The following TRIM6 variants were observed in gnomAD, a reference collection of about 807,000 sequenced individuals.
TRIM6 encodes tripartite motif-containing protein 6.
TRIM6 carries 43 observed loss-of-function variants against 51.2 expected under a neutral mutation model. The observed-to-expected ratio is 0.84, with a 90% confidence interval of 0.66 to 1.08. TRIM6 has a LOEUF of 1.08. Among genes scored for constraint, TRIM6 ranks in the 50% least tolerant of loss-of-function variants. The pLI, the probability that TRIM6 is intolerant of heterozygous loss-of-function variation, is 0.00. For missense variants in TRIM6, 669 were observed against 619.0 expected, an observed-to-expected ratio of 1.08 and a Z score of -0.86; for synonymous variants, 215 against 232.4, an observed-to-expected ratio of 0.93 and a Z score of 0.68.
rs746770928 is a variant in TRIM6, at chr11:5,610,209, G to C, written c.922G>C (p.Ala308Pro). Reference sequence around the variant, plus strand: ...TACAAAGCTGAGAAGTATGTTCCGAGCCCCAGATCTGAAAAGGATGCTGCG... The same window carrying C: ...TACAAAGCTGAGAAGTATGTTCCGACCCCCAGATCTGAAAAGGATGCTGCG... ...LPTKLRSMFR[A>P]PDLKRMLRVC... Residue 308 changes from alanine (A) to proline (P), a missense_variant, in exon 6 of 8, where the codon GCC (alanine) becomes CCC (proline). Ala to Pro is a conservative substitution (Grantham distance 27, BLOSUM62 -1). Coordinates refer to ENST00000380097, the MANE Select transcript of TRIM6 (RefSeq NM_001003818.3). The C allele has an allele frequency of 3.1e-6, 5 of 1,613,992 alleles. No individual in the cohort carries two copies. The highest frequency in any genetic ancestry group is 4.2e-6 in the Non-Finnish European group (5 of 1,180,020).
rs1848098950 is a variant in TRIM6, at chr11:5,604,693, G to A, written c.603+64G>A. 17 of 1,540,080 alleles carry A rather than the reference G, an allele frequency of 1.1e-5. 1 individual carries two copies. In the South Asian group the frequency reaches 1.9e-4, roughly 17 times the overall value. On this transcript the variant is annotated intron_variant, in intron 3 of 7. Coordinates refer to ENST00000380097, the MANE Select transcript of TRIM6 (RefSeq NM_001003818.3). ...ATCATGGCAGGTCATAGGAGCTGAG[G>A]GCAAAGGAGTCCTTGTCCTGTCTGT...
chr11:5,600,552 T>C (rs769568762), intron 1 of TRIM6, among the ~76,000 whole-genome samples: 40 of 152,300 alleles, frequency 2.6e-4, no homozygotes, highest in Non-Finnish European at 1.9e-4. Context: ...TACCCTTATC[T>C]GAGACACTTT....
chr11:5,605,294 G>C (rs907125582), intron 3 of TRIM6, 43 bp from the exon 4 acceptor site: 10 of 1,612,330 alleles, frequency 6.2e-6, no homozygotes, highest in Non-Finnish European at 8.5e-6. Context: ...GAGACCCTCA[G>C]TGTGACCGAC....
chr11:5,604,405 C>G, intron 2 of TRIM6, 129 bp from the exon 3 acceptor site: 1 of 1,003,166 alleles, frequency 1.0e-6, no homozygotes. Context: ...TTGGCCCTCT[C>G]AAGTTTTCAT....
intron 1 of TRIM6, among the ~76,000 whole-genome samples, chr11:5,601,612 G>A (rs368524261): frequency 6.6e-6 from 1 of 152,124 alleles, no homozygotes; most frequent in Non-Finnish European, 1.5e-5. Flanking sequence ...ACAAAAATTA[G>A]CTGGGCATGG....
At position 5,610,811 on chromosome 11, in the gene TRIM6, A is replaced by C. The variant is rs1271796963; in HGVS notation, c.1020A>C (p.Leu340Phe). Residue 340 changes from leucine (L) to phenylalanine (F), a missense_variant, in exon 8 of 8, where the codon TTA (leucine) becomes TTC (phenylalanine). Coordinates refer to ENST00000380097, the MANE Select transcript of TRIM6 (RefSeq NM_001003818.3). The stretch of plus-strand genomic sequence containing the variant: ...CCCTGAATCCACACACAGCTAATTT[A>C]AATCTTGTCCTGGCTAAAAACCGGA... ...DVTLNPHTAN[L>F]NLVLAKNRRQ... 1 of 1,614,188 alleles carries C rather than the reference A, an allele frequency of 6.2e-7. No homozygotes were observed. Among genetic ancestry groups the C allele is most frequent in the Non-Finnish European group, 8.5e-7 (1 of 1,180,034 alleles).
At position 5,603,458 on chromosome 11, in the gene TRIM6, G is replaced by A. The variant is rs555279540; in HGVS notation, c.230G>A (p.Gly77Asp). The change falls in exon 2 of 8, where the codon GGT (glycine) becomes GAT (aspartate). Residue 77 changes from glycine to aspartate, a missense_variant. Transcript: ENST00000380097. The part of the protein sequence containing the change: ...ITPNGRESVI[G>D]QEGERSCPVC... ...CCAAATGGCAGGGAATCAGTGATTG[G>A]TCAAGAAGGGGAAAGAAGCTGCCCT... 1 of 1,614,114 alleles carries A rather than the reference G, an allele frequency of 6.2e-7. No homozygotes were observed.
In TRIM6 at chr11:5,605,392, A is replaced by G. The variant is rs776152562; in HGVS notation, c.659A>G (p.Asn220Ser). ...CAGACAGAGTTTAATCAGCTGCGAA[A>G]TATCCTAGACAGAGTGGAGCAACGG... ...RIQTEFNQLRNILDRVEQREL... is the reference protein window; with the variant it reads ...RIQTEFNQLRSILDRVEQREL... Residue 220 changes from asparagine (N) to serine (S), a missense_variant, in exon 4 of 8, where the codon AAT becomes AGT. Coordinates refer to ENST00000380097, the MANE Select transcript of TRIM6 (RefSeq NM_001003818.3). 2 of 1,614,190 alleles carry G rather than the reference A, an allele frequency of 1.2e-6. No individual in the cohort carries two copies. Among genetic ancestry groups the G allele is most frequent in the Admixed American group, 1.7e-5 (1 of 60,028 alleles).
Position 5,604,560 on chromosome 11 carries a change from G to A in TRIM6, c.534G>A (p.Lys178=). ...YQEKFQESLK[K]LKNEEQEAEK... is the part of the protein sequence containing the mutation. ...AGAAGTTTCAGGAGTCTCTAAAGAA[G>A]CTGAAGAACGAGGAGCAGGAAGCTG... Residue 178 remains lysine, a synonymous_variant, in exon 3 of 8, where the codon AAG becomes AAA. Coordinates refer to ENST00000380097, the MANE Select transcript of TRIM6 (RefSeq NM_001003818.3). 1 of 1,613,008 alleles carries A rather than the reference G, an allele frequency of 6.2e-7. No individual in the cohort carries two copies. The highest frequency in any genetic ancestry group is 1.3e-5 in the African/African-American group (1 of 74,970).
Position 5,607,860 on chromosome 11 carries a change from G to T in TRIM6, c.835-512G>T, listed in dbSNP as rs535867640. 1.4e-3 allele frequency among the ~76,000 whole-genome samples: 215 copies of T among 152,298 alleles called. 6 individuals are homozygous for T. The South Asian group carries it at 0.04, about 28-fold the overall frequency. On this transcript the variant is annotated intron_variant, in intron 4 of 7. Transcript: ENST00000380097. Reference sequence around the variant, plus strand: ...TTAATCAAAATCATAAGGAAAGGGGGCTGAGCAGAAGTACAGATTTGAGAA... The same window carrying T: ...TTAATCAAAATCATAAGGAAAGGGGTCTGAGCAGAAGTACAGATTTGAGAA...
intron 3 of TRIM6, 31 bp downstream of exon 3, chr11:5,604,660 G>A: frequency 6.2e-7 from 1 of 1,602,380 alleles, no homozygotes; most frequent in Non-Finnish European, 8.5e-7. Flanking sequence ...AGATGTCCTG[G>A]GGCAGGAATC....
intron 4 of TRIM6, 133 bp downstream of exon 4, chr11:5,605,700 C>T: frequency 9.0e-7 from 1 of 1,108,092 alleles, no homozygotes; most frequent in Non-Finnish European, 1.3e-6. Context: ...TAGTGCCTAT[C>T]CCCTATTAAA....
In TRIM6 at chr11:5,604,545, G is replaced by C. The variant is rs745922953; in HGVS notation, c.519G>C (p.Gln173His). The change falls in exon 3 of 8, where the codon CAG becomes CAC. Residue 173 changes from glutamine (Q) to histidine (H), a missense_variant. By Grantham distance (24) the Gln-to-His change is conservative. Coordinates refer to ENST00000380097, the MANE Select transcript of TRIM6 (RefSeq NM_001003818.3). ...EVAQEYQEKF[Q>H]ESLKKLKNEE... ...TTGTTTTCTTCAAGGAGAAGTTTCA[G>C]GAGTCTCTAAAGAAGCTGAAGAACG... The C allele has an allele frequency of 6.2e-7, 1 of 1,611,854 alleles. No individual in the cohort carries two copies. The highest frequency in any genetic ancestry group is 2.2e-5 in the East Asian group (1 of 44,778).
intron 4 of TRIM6, 125 bp downstream of exon 4, chr11:5,605,692 G>C: frequency 2.5e-6 from 3 of 1,182,180 alleles, no homozygotes; most frequent in Non-Finnish European, 3.5e-6. Flanking sequence ...TGGCGCTATA[G>C]TGCCTATCCC....
rs1332385570 is a variant in TRIM6, at chr11:5,604,590, G to T, written c.564G>T (p.Lys188Asn). 6.2e-7 allele frequency: 1 copy of T among 1,613,344 alleles called. No individual in the cohort carries two copies. The change falls in exon 3 of 8, where the codon AAG (lysine) becomes AAT (asparagine). Residue 188 changes from lysine (K) to asparagine (N), a missense_variant. Coordinates refer to ENST00000380097, the MANE Select transcript of TRIM6 (RefSeq NM_001003818.3). ...KLKNEEQEAE[K>N]LTAFIREKKT... is the part of the protein sequence containing the mutation. ...AGAACGAGGAGCAGGAAGCTGAGAA[G>T]CTAACAGCTTTTATCAGAGAGAAGA...
chr11:5,608,498 A>C, intron 5 of TRIM6, 104 bp downstream of exon 5: 1 of 1,552,052 alleles, frequency 6.4e-7, no homozygotes. Flanking sequence ...GGAAGATTCA[A>C]GAGAGTAGTC....
In TRIM6 at chr11:5,596,792, GCGCTCTGTTC is replaced by G; in HGVS notation, c.-104_-95del. On this transcript the variant is annotated 5_prime_UTR_variant, in exon 1 of 8. Coordinates refer to ENST00000380097, the MANE Select transcript of TRIM6 (RefSeq NM_001003818.3). ...GAGTTTAGATAAAAGCCGAGTGAGCGCGCTCTGTTCCTTAAGATTAGTTTAAGGTGCCTTG... is the reference window on the plus strand; with the variant it reads ...GAGTTTAGATAAAAGCCGAGTGAGCGCTTAAGATTAGTTTAAGGTGCCTTG... The G allele has an allele frequency of 6.3e-7, 1 of 1,575,208 alleles. No individual in the cohort carries two copies. The highest frequency in any genetic ancestry group is 8.7e-7 in the Non-Finnish European group (1 of 1,147,924).
chr11:5,604,569 C>G lies in TRIM6; in HGVS notation c.543C>G (p.Asn181Lys), dbSNP rs192827622. 5 of 1,612,718 alleles carry G rather than the reference C, an allele frequency of 3.1e-6. No individual in the cohort carries two copies. In the East Asian group the frequency reaches 8.9e-5, roughly 29 times the overall value. The change falls in exon 3 of 8, where the codon AAC becomes AAG. Residue 181 changes from asparagine to lysine, a missense_variant. Physicochemically the swap from Asn to Lys is moderately conservative, Grantham distance 94. Transcript: ENST00000380097. The part of the protein sequence containing the change: ...KFQESLKKLK[N>K]EEQEAEKLTA... ...AGGAGTCTCTAAAGAAGCTGAAGAA[C>G]GAGGAGCAGGAAGCTGAGAAGCTAA...
At chr11:5,601,975 G>A (rs149390270) in intron 1 of TRIM6, among the ~76,000 whole-genome samples, 65 of 152,226 alleles carry the variant, frequency 4.3e-4, no homozygotes, top group African/African-American at 1.5e-3. Flanking sequence ...GATGATCACT[G>A]TAGAGGATGA....
Sources: allele counts gnomAD v4.1 joint callset (sites outside exome capture counted in the v4.1 genomes callset), GRCh38; gene constraint gnomAD v4.1.1; transcripts MANE v1.5; gene names NCBI Gene and HGNC (gene_info 2026-07-23, HGNC 2026-07-21).